The following ZFPM1 variants were observed in gnomAD, a reference collection of about 807,000 sequenced individuals.
The protein encoded by ZFPM1 is zinc finger protein ZFPM1.
A neutral mutation model predicts 46.3 loss-of-function variants in ZFPM1; 28 were observed. The observed-to-expected ratio is 0.60, with a 90% CI of 0.45 to 0.83. ZFPM1 has a LOEUF of 0.83. Among genes scored for constraint, ZFPM1 ranks in the 40% least tolerant of loss-of-function variants. The pLI is 0.00. For missense variants in ZFPM1, 1,878 were observed against 1,432.4 expected, an observed-to-expected ratio of 1.31 and a Z score of -5.02; for synonymous variants, 957 against 675.9, an observed-to-expected ratio of 1.42 and a Z score of -6.45.
Position 88,532,874 on chromosome 16 carries a change from T to C in ZFPM1, c.1128T>C (p.Pro376=). ...HLVTNHMVCQ[P]GSKGEIYSPG... ...TCACCAACCACATGGTCTGCCAGCC[T>C]GGCTCCAAGGGTGAGATCTACTCGC... Residue 376 remains proline (P), a synonymous_variant, in exon 9 of 10, where the codon CCT becomes CCC. Transcript: ENST00000319555. 3 of 1,613,422 alleles carry C rather than the reference T, an allele frequency of 1.9e-6. No homozygotes were observed. The highest frequency in any genetic ancestry group is 2.5e-6 in the Non-Finnish European group (3 of 1,179,972).
At chr16:88,500,024 A>C (rs1382979193) in intron 3 of ZFPM1, among the ~76,000 whole-genome samples, 2 of 152,078 alleles carry the variant, frequency 1.3e-5, no homozygotes, top group Non-Finnish European at 2.9e-5. Flanking sequence ...TGGCCTCACC[A>C]CCTTCCGGGA....
At position 88,489,168 on chromosome 16, in the gene ZFPM1, G is replaced by T; in HGVS notation, c.268+15G>T. 1 of 1,585,010 alleles carries T rather than the reference G, an allele frequency of 6.3e-7. No homozygotes were observed. The highest frequency in any genetic ancestry group is 8.6e-7 in the Non-Finnish European group (1 of 1,166,450). On this transcript the variant is annotated intron_variant, in intron 3 of 9. Transcript: ENST00000319555. Reference sequence around the variant, plus strand: ...GAGCGGGCCAGGTAACCACGCGGGTGGTGGGGGCAGCAGCATCGCCTCCCG... The same window carrying T: ...GAGCGGGCCAGGTAACCACGCGGGTTGTGGGGGCAGCAGCATCGCCTCCCG...
chr16:88,502,342 G>A (rs1054021775), intron 3 of ZFPM1, among the ~76,000 whole-genome samples: 4 of 149,942 alleles, frequency 2.7e-5, no homozygotes, highest in African/African-American at 9.8e-5. Flanking sequence ...CCGGCCCCCC[G>A]CCCTCTCCCG....
chr16:88,471,262 C>T lies in ZFPM1; in HGVS notation c.41-14677C>T, dbSNP rs1908405883. Among the ~76,000 whole-genome samples, 1 of 152,244 alleles carries T rather than the reference C, an allele frequency of 6.6e-6. No homozygotes were observed. Among genetic ancestry groups the T allele is most frequent in the South Asian group, 2.1e-4 (1 of 4,830 alleles). On this transcript the variant is annotated intron_variant, in intron 1 of 9. Transcript: ENST00000319555. This position sits in a 1 kb window ranked among gnomAD's most constrained non-coding sequence, Gnocchi z 4.1. ...ACCAGCTGACCCTCCAGGGCTGCAG[C>T]CATGTGTGACCTCCACCCTCGCGAA... is the stretch of plus-strand genomic sequence containing the variant.
intron 3 of ZFPM1, among the ~76,000 whole-genome samples, chr16:88,493,324 A>C (rs1345567430): frequency 1.8e-5 from 1 of 54,922 alleles, no homozygotes. Context: ...GGGGTGTGGG[A>C]AATTGTCCCG....
intron 3 of ZFPM1, among the ~76,000 whole-genome samples, chr16:88,510,397 G>A (rs1272437330): frequency 1.3e-5 from 2 of 152,240 alleles, no homozygotes; most frequent in South Asian, 4.1e-4. Flanking sequence ...GTCCCCCACT[G>A]CTTCCATCCC....
rs1399894521 is a variant in ZFPM1 at position 88,497,325 on chromosome 16, T to G, written c.268+8172T>G. ...ACAGACACAGTAGAGTGGGGTCGGGTGTGCACAAGGAGCTGGCTCAGGGCC... is the reference window on the plus strand; with the variant it reads ...ACAGACACAGTAGAGTGGGGTCGGGGGTGCACAAGGAGCTGGCTCAGGGCC... On this transcript the variant is annotated intron_variant, in intron 3 of 9. Coordinates refer to ENST00000319555, the MANE Select transcript of ZFPM1 (RefSeq NM_153813.3). The surrounding 1 kb of genome is among the most constrained non-coding windows in gnomAD (Gnocchi z 5.4). Among the ~76,000 whole-genome samples, 7 of 151,140 alleles carry G rather than the reference T, an allele frequency of 4.6e-5. No individual in the cohort carries two copies. Among genetic ancestry groups the G allele is most frequent in the Non-Finnish European group, 1.0e-4 (7 of 67,784 alleles).
intron 1 of ZFPM1, among the ~76,000 whole-genome samples, chr16:88,477,272 G>A (rs1472951601): frequency 6.6e-6 from 1 of 152,386 alleles, no homozygotes; most frequent in Admixed American, 6.5e-5. Context: ...CAGCGGAGAA[G>A]GGCACGGGGA....
chr16:88,516,764 G>A (rs1007098465), intron 4 of ZFPM1: 45 of 393,456 alleles, frequency 1.1e-4, no homozygotes, highest in African/African-American at 7.8e-4. Flanking sequence ...TGCCCGGATC[G>A]CCCCAGCTGC....
rs1371819207 is a variant in ZFPM1, at chr16:88,532,092, A to G, written c.803A>G (p.Gln268Arg). 6.2e-7 allele frequency: 1 copy of G among 1,612,430 alleles called. No individual in the cohort carries two copies. The highest frequency in any genetic ancestry group is 8.5e-7 in the Non-Finnish European group (1 of 1,179,732). The change falls in exon 7 of 10, where the codon CAG (glutamine) becomes CGG (arginine). Residue 268 changes from glutamine (Q) to arginine (R), a missense_variant. Gln to Arg is a conservative substitution (Grantham distance 43). Transcript: ENST00000319555. ...AHLLYYCASR[Q>R]GTGSPAAAAT... ...CTGCTCTACTACTGCGCCAGCCGCC[A>G]GGGCACCGGCTCCCCGGCCGCAGCC...
upstream of ZFPM1, among the ~76,000 whole-genome samples, chr16:88,452,778 C>T (rs1354661610): frequency 6.6e-6 from 1 of 151,982 alleles, no homozygotes; most frequent in African/African-American, 2.4e-5. Flanking sequence ...GTCTCAGGAC[C>T]CAACCAGGTC....
rs1908879665 is a variant in ZFPM1, at chr16:88,480,423, G to A, written c.41-5516G>A. On this transcript the variant is annotated intron_variant, in intron 1 of 9. Transcript: ENST00000319555. This position sits in a 1 kb window ranked among gnomAD's most constrained non-coding sequence, Gnocchi z 4.9. ...GGGACGGGTGAGTGAGGGAGCGGATGAAAGAGTGAAGGAAAGAGCCGTGGT... is the reference window on the plus strand; with the variant it reads ...GGGACGGGTGAGTGAGGGAGCGGATAAAAGAGTGAAGGAAAGAGCCGTGGT... Among the ~76,000 whole-genome samples, 1 of 152,214 alleles carries A rather than the reference G, an allele frequency of 6.6e-6. No homozygotes were observed. The highest frequency in any genetic ancestry group is 2.1e-4 in the South Asian group (1 of 4,830).
At chr16:88,454,482 G>A (rs1907445930) in intron 1 of ZFPM1, among the ~76,000 whole-genome samples, 2 of 152,210 alleles carry the variant, frequency 1.3e-5, no homozygotes, top group South Asian at 2.1e-4. Flanking sequence ...GCTGCTCTGA[G>A]TCAGAGAAGG....
chr16:88,532,536 G>GC, intron 7 of ZFPM1, 78 bp from the exon 8 acceptor site: 1 of 1,440,270 alleles, frequency 6.9e-7, no homozygotes, highest in Non-Finnish European at 9.4e-7. Context: ...ACGGCCCTGG[G>GC]CCCAGTCGCC....
At chr16:88,478,937 C>T (rs1908804115) in intron 1 of ZFPM1, among the ~76,000 whole-genome samples, 1 of 152,210 alleles carries the variant, frequency 6.6e-6, no homozygotes, top group Non-Finnish European at 1.5e-5. Flanking sequence ...GGCTCCGGGC[C>T]ACACCGGGGT....
intron 1 of ZFPM1, among the ~76,000 whole-genome samples, chr16:88,484,948 G>C (rs1032035028): frequency 6.6e-6 from 1 of 152,194 alleles, no homozygotes; most frequent in Non-Finnish European, 1.5e-5. Context: ...GAGTCTCTGA[G>C]GGACCCAGGC....
At chr16:88,499,219 C>T (rs1019157711) in intron 3 of ZFPM1, among the ~76,000 whole-genome samples, 11 of 152,238 alleles carry the variant, frequency 7.2e-5, no homozygotes, top group African/African-American at 2.7e-4. Flanking sequence ...ACTTCAGCCT[C>T]CACCCCGGGA....
intron 2 of ZFPM1, among the ~76,000 whole-genome samples, chr16:88,487,925 T>C (rs1909324812): frequency 6.6e-6 from 1 of 152,230 alleles, no homozygotes; most frequent in South Asian, 2.1e-4. Context: ...ACCCGCTGGC[T>C]GCCACTCCTC....
chr16:88,483,535 G>C (rs1013891317), intron 1 of ZFPM1, among the ~76,000 whole-genome samples: 1 of 152,024 alleles, frequency 6.6e-6, no homozygotes, highest in South Asian at 2.1e-4. Flanking sequence ...GAGATCTACC[G>C]GCGGCAGCCC....
Sources: gnomAD v4.1 joint callset for allele counts (sites outside exome capture counted in the v4.1 genomes callset) on GRCh38, gnomAD v4.1.1 for gene constraint, Gnocchi (gnomAD v3.1) non-coding constraint, MANE v1.5 for transcripts, NCBI Gene and HGNC (gene_info 2026-07-23, HGNC 2026-07-21) for gene names.